Variants in ADGRB3 observed in about 807,000 individuals in gnomAD.
ADGRB3 encodes the protein brain-specific angiogenesis inhibitor 3.
In ADGRB3, 37 loss-of-function variants were observed where a neutral mutation model predicts 193.4. The observed-to-expected ratio is 0.19, with a 90% CI of 0.15 to 0.25. The LOEUF (loss-of-function observed/expected upper bound fraction) is 0.25. Among genes scored for constraint, ADGRB3 ranks in the 10% least tolerant of loss-of-function variants. The pLI, the probability that ADGRB3 is intolerant of heterozygous loss-of-function variation, is 1.00. For synonymous variants in ADGRB3, 690 were observed against 644.2 expected (o/e 1.07, Z -1.08); for missense variants, 1,637 against 1,852.9 (o/e 0.88, Z 2.14).
At chr6:69,199,435 A>G (rs573163998) in intron 17 of ADGRB3, among the ~76,000 whole-genome samples, 1 of 152,236 alleles carries the variant, frequency 6.6e-6, no homozygotes, top group African/African-American at 2.4e-5. Flanking sequence ...TGAAAATTAA[A>G]TGAGATAACT....
chr6:68,693,867 A>G (rs1765116543), intron 3 of ADGRB3, among the ~76,000 whole-genome samples: 1 of 151,948 alleles, frequency 6.6e-6, no homozygotes, highest in Non-Finnish European at 1.5e-5. Flanking sequence ...TAGTGGTAGA[A>G]CCTTCCATAT....
At chr6:68,966,020 T>A (rs1768372683) in intron 8 of ADGRB3, among the ~76,000 whole-genome samples, 1 of 152,202 alleles carries the variant, frequency 6.6e-6, no homozygotes, top group Non-Finnish European at 1.5e-5. Flanking sequence ...TGCCTAGATA[T>A]GTCAAACTCA....
intron 17 of ADGRB3, among the ~76,000 whole-genome samples, chr6:69,167,234 T>C (rs1775154249): frequency 6.6e-6 from 1 of 152,080 alleles, no homozygotes; most frequent in African/African-American, 2.4e-5. Flanking sequence ...AGAGAAATGG[T>C]CTAAAAATGA....
At chr6:69,070,892 A>G (rs111596523) in intron 16 of ADGRB3, among the ~76,000 whole-genome samples, 2 of 152,204 alleles carry the variant, frequency 1.3e-5, no homozygotes, top group African/African-American at 4.8e-5. Flanking sequence ...CATTATTGTT[A>G]TCTTTTCTGT....
rs1770885961 is a variant in ADGRB3, at chr6:69,036,822, G to A, written c.2108-11363G>A. ...GCAGAGACGTACAGAGCCAAGCCAT[G>A]CAGAGCTTTGTAGGTCAAGGCATAA... On this transcript the variant is annotated intron_variant, in intron 13 of 31. Coordinates refer to ENST00000370598, the MANE Select transcript of ADGRB3 (RefSeq NM_001704.3). Among the ~76,000 whole-genome samples the A allele has an allele frequency of 5.9e-5, 9 of 152,210 alleles. No individual in the cohort carries two copies. The South Asian group carries it at 1.9e-3, about 32-fold the overall frequency.
intron 17 of ADGRB3, among the ~76,000 whole-genome samples, chr6:69,141,283 C>T (rs1429420163): frequency 3.3e-5 from 5 of 152,096 alleles, no homozygotes; most frequent in East Asian, 1.9e-4. Flanking sequence ...GCCACCATGC[C>T]CGGCTAATTT....
At chr6:68,647,186 A>T (rs1159093330) in intron 3 of ADGRB3, among the ~76,000 whole-genome samples, 1 of 152,166 alleles carries the variant, frequency 6.6e-6, no homozygotes, top group African/African-American at 2.4e-5. Context: ...ATAAATTTTC[A>T]CTGAGGTATT....
intron 17 of ADGRB3, among the ~76,000 whole-genome samples, chr6:69,166,489 G>A (rs994750422): frequency 1.1e-4 from 16 of 152,090 alleles, no homozygotes; most frequent in Non-Finnish European, 1.9e-4. Flanking sequence ...ATAAAATGTA[G>A]AATGATACTT....
At chr6:68,671,737 G>A (rs1006822510) in intron 3 of ADGRB3, among the ~76,000 whole-genome samples, 1 of 151,762 alleles carries the variant, frequency 6.6e-6, no homozygotes, top group Non-Finnish European at 1.5e-5. Flanking sequence ...TTGTTTTGAT[G>A]CGTCTTTGTC....
At chr6:68,914,153 G>T (rs879486657) in intron 3 of ADGRB3, among the ~76,000 whole-genome samples, 1 of 151,296 alleles carries the variant, frequency 6.6e-6, no homozygotes, top group Non-Finnish European at 1.5e-5. Context: ...CCCCAATCTA[G>T]CAAGGCAGGC....
chr6:69,329,113 A>C (rs1328372062), intron 22 of ADGRB3, among the ~76,000 whole-genome samples: 1 of 134,288 alleles, frequency 7.4e-6, no homozygotes, highest in Non-Finnish European at 1.6e-5. Flanking sequence ...GTATATCTTG[A>C]AAGATATACT....
chr6:69,153,872 A>G (rs1774750710), intron 17 of ADGRB3, among the ~76,000 whole-genome samples: 1 of 152,134 alleles, frequency 6.6e-6, no homozygotes, highest in African/African-American at 2.4e-5. Context: ...ATGTGCCTGT[A>G]GTCCCAGCTA....
At chr6:68,915,716 G>C (rs1164503704) in intron 3 of ADGRB3, among the ~76,000 whole-genome samples, 1 of 151,992 alleles carries the variant, frequency 6.6e-6, no homozygotes, top group Non-Finnish European at 1.5e-5. Context: ...CAGTGGCCTG[G>C]GAAACAGTGA....
At chr6:68,719,013 G>T (rs1582144816) in intron 3 of ADGRB3, among the ~76,000 whole-genome samples, 1 of 151,868 alleles carries the variant, frequency 6.6e-6, no homozygotes, top group East Asian at 1.9e-4. Context: ...ACTAAAATGT[G>T]TGGTGTATTG....
chr6:69,226,720 TTCA>T (rs1766023435), intron 17 of ADGRB3, among the ~76,000 whole-genome samples: 1 of 152,218 alleles, frequency 6.6e-6, no homozygotes, highest in African/African-American at 2.4e-5. Flanking sequence ...GCCAGTTAGT[TTCA>T]TCTGGTATAA....
At chr6:68,813,122 G>A (rs996195391) in intron 3 of ADGRB3, among the ~76,000 whole-genome samples, 2 of 152,082 alleles carry the variant, frequency 1.3e-5, no homozygotes, top group Non-Finnish European at 2.9e-5. Flanking sequence ...TCTTTCCCAT[G>A]CTATTCTTGT....
chr6:69,355,388 G>A (rs575760121), intron 27 of ADGRB3, among the ~76,000 whole-genome samples: 3 of 152,184 alleles, frequency 2.0e-5, no homozygotes, highest in Admixed American at 1.3e-4. Context: ...GTTTGACAAA[G>A]CTGGATTCTA....
chr6:68,958,828 A>G (rs1222560985), intron 8 of ADGRB3, among the ~76,000 whole-genome samples: 2 of 151,738 alleles, frequency 1.3e-5, no homozygotes, highest in East Asian at 3.9e-4. Context: ...GAATCAGCTA[A>G]ATAATTTAAA....
At chr6:69,251,761 A>T (rs1766627670) in intron 20 of ADGRB3, among the ~76,000 whole-genome samples, 3 of 152,178 alleles carry the variant, frequency 2.0e-5, no homozygotes, top group South Asian at 4.1e-4. Context: ...TGACATAGCT[A>T]CCCTTTTTGT....
Sources: gnomAD v4.1 joint callset for allele counts (sites outside exome capture counted in the v4.1 genomes callset) on GRCh38, gnomAD v4.1.1 for gene constraint, MANE v1.5 for transcripts, NCBI Gene and HGNC (gene_info 2026-07-23, HGNC 2026-07-21) for gene names.